KLF12: variants seen among roughly 807,000 people sequenced by gnomAD.
KLF12 encodes Krueppel-like factor 12.
Under a neutral mutation model 37.8 loss-of-function variants are expected in KLF12, and 9 were observed. That is an observed-to-expected ratio of 0.24 (90% CI 0.14 to 0.42). The LOEUF (loss-of-function observed/expected upper bound fraction) is 0.42. Ranked by LOEUF, KLF12 falls within the 10% of genes least tolerant of loss-of-function variation. KLF12 has a pLI of 1.00. For synonymous variants in KLF12, 208 were observed against 202.1 expected, an observed-to-expected ratio of 1.03 and a Z score of -0.25; for missense variants, 411 against 516.0, an observed-to-expected ratio of 0.80 and a Z score of 1.97.
chr13:73,691,532 TG>T lies in KLF12; in HGVS notation c.*3957del, dbSNP rs1873821845. 6.5e-6 allele frequency: 1 copy of T among 152,676 alleles called. No homozygotes were observed. The highest frequency in any genetic ancestry group is 2.1e-4 in the South Asian group (1 of 4,836). The allele number at this position is 152,676 out of a possible 1,614,324, so 9.5% of individuals were successfully genotyped here. On this transcript the variant is annotated 3_prime_UTR_variant, in exon 8 of 8. Coordinates refer to ENST00000377669, the MANE Select transcript of KLF12 (RefSeq NM_007249.5). ...CACATTCAGTCCCTTATACGCAGAC[TG>T]TAACATGGATGCTGGTATTCTTAAC...
Position 74,122,960 on chromosome 13 carries a change from TAAA to T in KLF12, c.-32+10776_-32+10778del, listed in dbSNP as rs58691841. ...CTAAGTAAAAGACAAAACAGGTCAC[TAAA>T]AAAAAAAAAAAAAAAAGAATGAATT... is the stretch of plus-strand genomic sequence containing the variant. On this transcript the variant is annotated intron_variant, in intron 1 of 7. Coordinates refer to ENST00000377669, the MANE Select transcript of KLF12 (RefSeq NM_007249.5). 4.2e-3 allele frequency among the ~76,000 whole-genome samples: 474 copies of T among 113,874 alleles called. 4 individuals are homozygous for T. Among genetic ancestry groups the T allele is most frequent in the African/African-American group, 0.015 (451 of 29,446 alleles). The allele number at this position is 113,874 out of a possible 152,430, so 74.7% of individuals were successfully genotyped here. A position where few individuals can be genotyped will look rare whatever the true frequency, so the allele number is the denominator to read the frequency against.
chr13:73,993,219 G>A (rs111971319), intron 2 of KLF12, among the ~76,000 whole-genome samples: 5,151 of 152,268 alleles, frequency 0.034, 254 homozygotes, highest in African/African-American at 0.12. Flanking sequence ...GTGACAGAGC[G>A]AGACTCCATC....
chr13:73,824,071 C>A (rs541219523), intron 4 of KLF12, among the ~76,000 whole-genome samples: 58 of 152,188 alleles, frequency 3.8e-4, no homozygotes, highest in African/African-American at 1.3e-3. Flanking sequence ...GTCCCTACAC[C>A]CTGAACACGT....
At chr13:73,968,824 C>G (rs1891245156) in intron 2 of KLF12, among the ~76,000 whole-genome samples, 1 of 152,130 alleles carries the variant, frequency 6.6e-6, no homozygotes, top group Admixed American at 6.5e-5. Flanking sequence ...TCTCTTCTCC[C>G]TCGACACGTT....
At chr13:73,796,742 AT>A (rs1331317177) in intron 5 of KLF12, among the ~76,000 whole-genome samples, 1 of 152,168 alleles carries the variant, frequency 6.6e-6, no homozygotes, top group African/African-American at 2.4e-5. Context: ...ATAAAAACAT[AT>A]GTCCACAGAA....
At chr13:73,845,761 T>C (rs1218327713) in intron 4 of KLF12, 66 bp downstream of exon 4, 2 of 1,435,358 alleles carry the variant, frequency 1.4e-6, no homozygotes, top group Non-Finnish European at 1.9e-6. Flanking sequence ...ATTTAGGTTT[T>C]GTTCACTGCA....
intron 2 of KLF12, among the ~76,000 whole-genome samples, chr13:73,991,626 G>A (rs771471518): frequency 3.3e-5 from 5 of 152,162 alleles, no homozygotes; most frequent in Non-Finnish European, 7.3e-5. Context: ...CAAAGGAGAG[G>A]GCACTGGGGT....
At position 74,021,711 on chromosome 13, in the gene KLF12, A is replaced by C. The variant is rs148541034; in HGVS notation, c.-31-26658T>G. 8.3e-3 allele frequency among the ~76,000 whole-genome samples: 1,261 copies of C among 152,344 alleles called. 20 individuals are homozygous for C. Among genetic ancestry groups the C allele is most frequent in the African/African-American group, 0.028 (1,181 of 41,594 alleles). On this transcript the variant is annotated intron_variant, in intron 1 of 7. Transcript: ENST00000377669. The stretch of plus-strand genomic sequence containing the variant: ...TCAGGAAGTCGCTTGCCAGTATGCC[A>C]CTGGTTAGTTCCAAAGGACAAATCT...
chr13:74,080,608 C>A (rs1874827075), intron 1 of KLF12, among the ~76,000 whole-genome samples: 1 of 151,964 alleles, frequency 6.6e-6, no homozygotes, highest in Non-Finnish European at 1.5e-5. Context: ...CTTAGAATTT[C>A]CAGAGATTAG....
chr13:74,208,972 T>C, the KLF12 span, among the ~76,000 whole-genome samples: 1 of 152,128 alleles, frequency 6.6e-6, no homozygotes, highest in Admixed American at 6.6e-5. Context: ...AAGTATTTCA[T>C]ACGGGAGCAC....
At chr13:73,990,857 C>A (rs1036229096) in intron 2 of KLF12, among the ~76,000 whole-genome samples, 1 of 151,834 alleles carries the variant, frequency 6.6e-6, no homozygotes, top group East Asian at 1.9e-4. Flanking sequence ...TAAATATGAT[C>A]TTATTTTTAA....
At chr13:73,707,150 G>A (rs1875013787) in intron 7 of KLF12, among the ~76,000 whole-genome samples, 1 of 152,138 alleles carries the variant, frequency 6.6e-6, no homozygotes, top group Admixed American at 6.5e-5. Context: ...CAGATATAAG[G>A]AAAAGCATAG....
At chr13:74,198,321 G>A in the KLF12 span, among the ~76,000 whole-genome samples, 1 of 152,140 alleles carries the variant, frequency 6.6e-6, no homozygotes, top group Non-Finnish European at 1.5e-5. Flanking sequence ...AAATATAAAA[G>A]AGAAACTGCA....
intron 1 of KLF12, among the ~76,000 whole-genome samples, chr13:74,023,476 T>C (rs963589402): frequency 2.6e-4 from 40 of 152,146 alleles, no homozygotes; most frequent in Non-Finnish European, 4.4e-4. Context: ...AATCAAGTTG[T>C]TGGTAGGGCC....
chr13:74,110,708 G>A (rs1399369573), intron 1 of KLF12, among the ~76,000 whole-genome samples: 5 of 152,118 alleles, frequency 3.3e-5, no homozygotes, highest in Middle Eastern at 3.4e-3. Context: ...GGTTGGTCTC[G>A]GTTGAGTTAA....
At chr13:74,287,349 T>TGAGAGAGA in the KLF12 span, among the ~76,000 whole-genome samples, 8,329 of 71,732 alleles carry the variant, frequency 0.12, 1,037 homozygotes, top group Admixed American at 0.16. Context: ...CTATCAAAGT[T>TGAGAGAGA]GAGAGAGAGA....
the KLF12 span, among the ~76,000 whole-genome samples, chr13:74,236,015 T>C: frequency 6.6e-6 from 1 of 150,518 alleles, no homozygotes; most frequent in Admixed American, 6.6e-5. Flanking sequence ...TACATATGTA[T>C]ACATGTGCCA....
chr13:74,112,188 ATGTGTGTGTGTGCATC>A (rs1338581465), intron 1 of KLF12, among the ~76,000 whole-genome samples: 1 of 134,504 alleles, frequency 7.4e-6, no homozygotes, highest in East Asian at 2.6e-4. Context: ...ATAAACGTTT[ATGTGTGTGTGTGCATC>A]TGTGTGTGTG....
chr13:73,765,051 G>T (rs768632398), intron 5 of KLF12, 51 bp from the exon 6 acceptor site: 5 of 1,113,998 alleles, frequency 4.5e-6, no homozygotes, highest in Middle Eastern at 2.0e-4. Flanking sequence ...ATTCCCAATT[G>T]CAAATTTAAA....
Sources: gnomAD v4.1 joint callset for allele counts (sites outside exome capture counted in the v4.1 genomes callset) on GRCh38, gnomAD v4.1.1 for gene constraint, MANE v1.5 for transcripts, NCBI Gene and HGNC (gene_info 2026-07-23, HGNC 2026-07-21) for gene names.